The following PTPRG variants were observed in gnomAD, a reference collection of about 807,000 sequenced individuals.
PTPRG encodes the protein protein tyrosine phosphatase receptor type G, also known as receptor-type tyrosine-protein phosphatase gamma.
PTPRG carries 102 observed loss-of-function variants against 165.3 expected under a neutral mutation model. The observed-to-expected ratio is 0.62, with a 90% CI of 0.53 to 0.73. The LOEUF is 0.73. Ranked by LOEUF, PTPRG falls within the 30% of genes least tolerant of loss-of-function variation. PTPRG has a pLI of 0.00. For synonymous variants in PTPRG, 675 were observed against 669.5 expected (o/e 1.01, Z -0.13); for missense variants, 1,866 against 1,861.4 (o/e 1.00, Z -0.05).
At position 62,267,502 on chromosome 3, in the gene PTPRG, A is replaced by C; in HGVS notation, c.2739+10A>C. ...TGCAAACTATGTTGATGTAAGTCAGAACTGTTATTATAAACCTGTTTCTAG... is the reference window on the plus strand; with the variant it reads ...TGCAAACTATGTTGATGTAAGTCAGCACTGTTATTATAAACCTGTTTCTAG... On this transcript the variant is annotated intron_variant, in intron 18 of 29. Coordinates refer to ENST00000474889, the MANE Select transcript of PTPRG (RefSeq NM_002841.4). 2 of 1,596,094 alleles carry C rather than the reference A, an allele frequency of 1.3e-6. No homozygotes were observed. Among genetic ancestry groups the C allele is most frequent in the Non-Finnish European group, 1.7e-6 (2 of 1,167,494 alleles).
intron 8 of PTPRG, among the ~76,000 whole-genome samples, chr3:62,178,628 C>G (rs1479655248): frequency 6.6e-6 from 1 of 152,196 alleles, no homozygotes; most frequent in Non-Finnish European, 1.5e-5. Context: ...GTCAGGCACT[C>G]GTGTCAGGAT....
chr3:61,789,094 C>T (rs1559612612), intron 2 of PTPRG, among the ~76,000 whole-genome samples: 1 of 151,908 alleles, frequency 6.6e-6, no homozygotes, highest in Non-Finnish European at 1.5e-5. Context: ...TCCTCCTTTT[C>T]TTTTCTTTTT....
intron 2 of PTPRG, among the ~76,000 whole-genome samples, chr3:61,821,713 C>T (rs910462840): frequency 4.6e-5 from 7 of 151,996 alleles, no homozygotes; most frequent in Non-Finnish European, 1.0e-4. Flanking sequence ...GGTAAGGGGT[C>T]GTGAGGTGAG....
chr3:62,273,967 T>TTCG lies in PTPRG; in HGVS notation c.3465+123_3465+124insTCG. The TTCG allele has an allele frequency of 2.1e-6, 2 of 940,792 alleles. No homozygotes were observed. The highest frequency in any genetic ancestry group is 3.2e-6 in the Non-Finnish European group (2 of 633,574). The allele number at this position is 940,792 out of a possible 1,614,324, so 58.3% of individuals were successfully genotyped here. On this transcript the variant is annotated intron_variant, in intron 23 of 29. Transcript: ENST00000474889. This position sits in a 1 kb window ranked among gnomAD's most constrained non-coding sequence, Gnocchi z 4.1. ...GAAATGGATTACTATTTGTACTCCT[T>TTCG]GTACTCCTTAAATGTGATGAAAAAG...
At chr3:61,972,723 G>A (rs1431385970) in intron 2 of PTPRG, among the ~76,000 whole-genome samples, 2 of 150,914 alleles carry the variant, frequency 1.3e-5, no homozygotes, top group African/African-American at 4.9e-5. Flanking sequence ...CAGAATCATG[G>A]CTTACTGCAG....
At chr3:61,806,981 A>G (rs1575679246) in intron 2 of PTPRG, among the ~76,000 whole-genome samples, 3 of 152,350 alleles carry the variant, frequency 2.0e-5, no homozygotes, top group South Asian at 4.1e-4. Flanking sequence ...AACAGAGAAT[A>G]CAGAATCATG....
At chr3:61,825,219 C>T (rs887676027) in intron 2 of PTPRG, among the ~76,000 whole-genome samples, 3 of 152,178 alleles carry the variant, frequency 2.0e-5, no homozygotes, top group African/African-American at 7.2e-5. Flanking sequence ...TCATGTGTCT[C>T]AACACTTTTA....
chr3:61,670,213 G>C (rs1237723997), intron 1 of PTPRG, among the ~76,000 whole-genome samples: 8 of 152,200 alleles, frequency 5.3e-5, no homozygotes, highest in Non-Finnish European at 2.9e-5. Flanking sequence ...GACTCAGTTT[G>C]TAGTCAGTGA....
rs1371102711 is a variant in PTPRG at position 62,229,944 on chromosome 3, G to C, written c.2289-1281G>C. 6.6e-6 allele frequency among the ~76,000 whole-genome samples: 1 copy of C among 152,198 alleles called. No individual in the cohort carries two copies. The highest frequency in any genetic ancestry group is 2.4e-5 in the African/African-American group (1 of 41,456). On this transcript the variant is annotated intron_variant, in intron 13 of 29. Coordinates refer to ENST00000474889, the MANE Select transcript of PTPRG (RefSeq NM_002841.4). The surrounding 1 kb of genome is among the most constrained non-coding windows in gnomAD (Gnocchi z 4.6). The stretch of plus-strand genomic sequence containing the variant: ...GTTGAGAAAAAGTCTAAATATTTTA[G>C]GAAGCTGCAAATTTCAAGTTTTTAT...
At chr3:61,823,439 G>T (rs1291905056) in intron 2 of PTPRG, among the ~76,000 whole-genome samples, 1 of 152,054 alleles carries the variant, frequency 6.6e-6, no homozygotes, top group Non-Finnish European at 1.5e-5. Flanking sequence ...CCACCGCCTC[G>T]GCCTCCCAAA....
chr3:61,909,709 A>G (rs1180484912), intron 2 of PTPRG, among the ~76,000 whole-genome samples: 3 of 149,646 alleles, frequency 2.0e-5, no homozygotes, highest in African/African-American at 7.7e-5. Context: ...TAAAATCTGT[A>G]GGACTATACA....
intron 2 of PTPRG, among the ~76,000 whole-genome samples, chr3:61,917,143 A>G (rs1249324313): frequency 1.3e-5 from 2 of 152,024 alleles, no homozygotes; most frequent in Non-Finnish European, 2.9e-5. Flanking sequence ...AGCTGCTGAG[A>G]CAATATGAAT....
intron 2 of PTPRG, among the ~76,000 whole-genome samples, chr3:61,947,084 A>T (rs1025823551): frequency 6.6e-6 from 1 of 152,194 alleles, no homozygotes; most frequent in Non-Finnish European, 1.5e-5. Context: ...ACAATAGCCA[A>T]AGTGGACCGA....
chr3:61,624,004 A>C (rs9823399), intron 1 of PTPRG, among the ~76,000 whole-genome samples: 4,332 of 152,282 alleles, frequency 0.028, 205 homozygotes, highest in African/African-American at 0.097. Context: ...TCAGGTGCTC[A>C]GTTTACCTGA....
intron 2 of PTPRG, among the ~76,000 whole-genome samples, chr3:61,767,089 C>A (rs888274227): frequency 1.3e-5 from 2 of 151,488 alleles, no homozygotes; most frequent in South Asian, 2.1e-4. Flanking sequence ...ACTAAAAATA[C>A]AACAATTAGC....
intron 1 of PTPRG, among the ~76,000 whole-genome samples, chr3:61,566,272 T>G (rs184201230): frequency 6.6e-6 from 1 of 152,374 alleles, no homozygotes; most frequent in Non-Finnish European, 1.5e-5. Context: ...ATTATGTTGT[T>G]GTTTACATGA....
At chr3:61,997,604 C>T (rs1034036512) in intron 3 of PTPRG, among the ~76,000 whole-genome samples, 2 of 152,184 alleles carry the variant, frequency 1.3e-5, no homozygotes, top group Non-Finnish European at 1.5e-5. Context: ...GTTCGATGCT[C>T]AGGTGCTACC....
intron 1 of PTPRG, among the ~76,000 whole-genome samples, chr3:61,577,442 TGGC>T (rs1575513329): frequency 1.3e-5 from 2 of 152,340 alleles, no homozygotes; most frequent in East Asian, 3.9e-4. Flanking sequence ...ACTTCAAGTA[TGGC>T]ATGTCTAAAT....
chr3:62,231,901 A>G (rs1700912328), intron 14 of PTPRG, among the ~76,000 whole-genome samples: 1 of 152,034 alleles, frequency 6.6e-6, no homozygotes, highest in Non-Finnish European at 1.5e-5. Flanking sequence ...TCCTGGAAAG[A>G]GTTATAGTAA....
Sources: allele counts gnomAD v4.1 joint callset (sites outside exome capture counted in the v4.1 genomes callset), GRCh38; gene constraint gnomAD v4.1.1; non-coding constraint Gnocchi (gnomAD v3.1); transcripts MANE v1.5; gene names NCBI Gene and HGNC (gene_info 2026-07-23, HGNC 2026-07-21).